The following DLGAP4 variants were observed in gnomAD, a reference collection of about 807,000 sequenced individuals.
DLGAP4 encodes the protein DLG associated protein 4, also known as disks large-associated protein 4.
In DLGAP4, 18 loss-of-function variants were observed where a neutral mutation model predicts 86.9. That is an observed-to-expected ratio of 0.21 (90% CI 0.14 to 0.31). The LOEUF is 0.31. Ranked by LOEUF, DLGAP4 falls within the 10% of genes least tolerant of loss-of-function variation. DLGAP4 has a pLI of 1.00. For synonymous variants in DLGAP4, 548 were observed against 574.3 expected (o/e 0.95, Z 0.65); for missense variants, 1,085 against 1,362.6 (o/e 0.80, Z 3.21).
rs566165315 is a variant in DLGAP4 at position 36,527,289 on chromosome 20, G to A, written c.*258G>A. On this transcript the variant is annotated 3_prime_UTR_variant, in exon 13 of 13. Transcript: ENST00000339266. ...AACTTTTTTTTTCCTCTTGCTGGCC[G>A]TGGTGGACTAGATAGATGGACGTCG... 1.7e-5 allele frequency: 6 copies of A among 361,510 alleles called. No homozygotes were observed. The Admixed American group carries it at 1.7e-4, about 10-fold the overall frequency. 22.4% of individuals were successfully genotyped at this position (361,510 alleles called of 1,614,324 possible). A position where few individuals can be genotyped will look rare whatever the true frequency, so the allele number is the denominator to read the frequency against.
intron 7 of DLGAP4, among the ~76,000 whole-genome samples, chr20:36,468,087 A>G (rs1436755311): frequency 6.6e-6 from 1 of 152,224 alleles, no homozygotes; most frequent in Non-Finnish European, 1.5e-5. Context: ...CTTTCTAAGG[A>G]TCCTGAAGGT....
chr20:36,382,937 A>G (rs1400534930), intron 2 of DLGAP4, among the ~76,000 whole-genome samples: 1 of 152,112 alleles, frequency 6.6e-6, no homozygotes, highest in Non-Finnish European at 1.5e-5. Flanking sequence ...AGTGATCATC[A>G]TTGCTATCAT....
chr20:36,526,047 T>C, intron 12 of DLGAP4, 41 bp downstream of exon 12: 1 of 1,612,454 alleles, frequency 6.2e-7, no homozygotes, highest in African/African-American at 1.3e-5. Flanking sequence ...CAGGGACAAA[T>C]TCCTGGTCGG....
intron 1 of DLGAP4, among the ~76,000 whole-genome samples, chr20:36,340,175 G>C (rs781952296): frequency 6.6e-6 from 1 of 152,144 alleles, no homozygotes; most frequent in Non-Finnish European, 1.5e-5. Flanking sequence ...CCAAGTATGA[G>C]TGCGGTAGGA....
intron 2 of DLGAP4, among the ~76,000 whole-genome samples, chr20:36,429,080 A>T (rs754525359): frequency 1.3e-5 from 2 of 151,782 alleles, no homozygotes; most frequent in African/African-American, 2.4e-5. Flanking sequence ...TTATTTATTT[A>T]TTTATGTATT....
intron 10 of DLGAP4, among the ~76,000 whole-genome samples, chr20:36,519,967 T>C (rs920762159): frequency 6.6e-6 from 1 of 152,008 alleles, no homozygotes; most frequent in African/African-American, 2.4e-5. Flanking sequence ...GTTTTTTTTT[T>C]TTTCTTTTGG....
At chr20:36,396,751 C>G (rs957294913) in intron 2 of DLGAP4, among the ~76,000 whole-genome samples, 1 of 151,896 alleles carries the variant, frequency 6.6e-6, no homozygotes, top group Admixed American at 6.6e-5. Flanking sequence ...GACTTCTCAC[C>G]CTGAAGGCAG....
At chr20:36,424,401 G>A (rs1433208966) in intron 2 of DLGAP4, among the ~76,000 whole-genome samples, 1 of 152,180 alleles carries the variant, frequency 6.6e-6, no homozygotes, top group East Asian at 1.9e-4. Flanking sequence ...AGGGTGGGTG[G>A]GAGAATGAGT....
At chr20:36,361,437 G>A (rs1555894216) in intron 1 of DLGAP4, among the ~76,000 whole-genome samples, 1 of 152,146 alleles carries the variant, frequency 6.6e-6, no homozygotes, top group South Asian at 2.1e-4. Context: ...TGTTTGGTTT[G>A]TTTTTTGTGT....
At chr20:36,312,930 T>G (rs2065065720) in intron 1 of DLGAP4, among the ~76,000 whole-genome samples, 1 of 152,168 alleles carries the variant, frequency 6.6e-6, no homozygotes, top group Non-Finnish European at 1.5e-5. Context: ...TACTGCTGTG[T>G]GTCCCTAACT....
At chr20:36,512,293 G>A (rs1342259758) in intron 10 of DLGAP4, among the ~76,000 whole-genome samples, 14 of 151,880 alleles carry the variant, frequency 9.2e-5, no homozygotes, top group Non-Finnish European at 1.8e-4. Context: ...CTCGTGATCC[G>A]CCCACCGCAG....
At chr20:36,357,285 G>A (rs1555893910) in intron 1 of DLGAP4, among the ~76,000 whole-genome samples, 1 of 152,118 alleles carries the variant, frequency 6.6e-6, no homozygotes. Context: ...TTTTGTACCA[G>A]CTGTTCCTTC....
chr20:36,477,498 G>A (rs1022721437), intron 7 of DLGAP4, among the ~76,000 whole-genome samples: 4 of 152,216 alleles, frequency 2.6e-5, no homozygotes, highest in South Asian at 4.1e-4. Context: ...CTCTGCAGAG[G>A]TAGCCTTGGT....
chr20:36,526,753 GC>G (rs2037794789), intron 12 of DLGAP4, 59 bp from the exon 13 acceptor site: 1 of 1,474,190 alleles, frequency 6.8e-7, no homozygotes, highest in Non-Finnish European at 9.1e-7. Context: ...TGGGGGTAGT[GC>G]CACACAAAAC....
chr20:36,418,245 C>T (rs2032721475), intron 2 of DLGAP4, among the ~76,000 whole-genome samples: 1 of 151,494 alleles, frequency 6.6e-6, no homozygotes, highest in African/African-American at 2.4e-5. Flanking sequence ...TCCCAAGTAG[C>T]TGGGATTACA....
intron 7 of DLGAP4, among the ~76,000 whole-genome samples, chr20:36,463,153 T>A (rs1252464536): frequency 6.6e-6 from 1 of 152,114 alleles, no homozygotes. Context: ...GGGAGAGGAC[T>A]TCTTAATCTG....
In DLGAP4 at chr20:36,500,443, C is replaced by T; in HGVS notation, c.2344C>T (p.Pro782Ser). The T allele has an allele frequency of 1.4e-5, 22 of 1,578,822 alleles. No homozygotes were observed. Among genetic ancestry groups the T allele is most frequent in the Non-Finnish European group, 1.9e-5 (22 of 1,160,356 alleles). Reference protein sequence around the residue: ...LEASSLPPPDPWLETSSSSPA... With the variant: ...LEASSLPPPDSWLETSSSSPA... ...GGCGTCCTCGCTGCCCCCACCCGAC[C>T]CCTGGCTCGAGACCTCCTCCAGCTC... The change falls in exon 10 of 13, where the codon CCC (proline) becomes TCC (serine). Residue 782 changes from proline to serine, a missense_variant. Transcript: ENST00000339266. The surrounding 1 kb of genome is among the most constrained non-coding windows in gnomAD (Gnocchi z 4.6).
At chr20:36,315,408 G>T (rs2065089683) in intron 1 of DLGAP4, among the ~76,000 whole-genome samples, 1 of 149,672 alleles carries the variant, frequency 6.7e-6, no homozygotes, top group Non-Finnish European at 1.5e-5. Flanking sequence ...GCAGCCAGGA[G>T]CTTGGGATGA....
intron 2 of DLGAP4, among the ~76,000 whole-genome samples, chr20:36,414,700 G>A (rs926540416): frequency 6.6e-6 from 1 of 152,194 alleles, no homozygotes; most frequent in Non-Finnish European, 1.5e-5. Flanking sequence ...GCTTTAGAGA[G>A]TATTCCATGG....
Sources: allele counts gnomAD v4.1 joint callset (sites outside exome capture counted in the v4.1 genomes callset), GRCh38; gene constraint gnomAD v4.1.1; non-coding constraint Gnocchi (gnomAD v3.1); transcripts MANE v1.5; gene names NCBI Gene and HGNC (gene_info 2026-07-23, HGNC 2026-07-21).